The following SPATA6 variants were observed in gnomAD, a reference collection of about 807,000 sequenced individuals.
SPATA6 encodes spermatogenesis associated 6, also known as spermatogenesis-associated protein 6.
Under a neutral mutation model 65.3 loss-of-function variants are expected in SPATA6, and 56 were observed. The observed-to-expected ratio is 0.86, with a 90% CI of 0.69 to 1.07. The LOEUF (loss-of-function observed/expected upper bound fraction) is 1.07, where lower values mean the gene tolerates loss of function less well. Among genes scored for constraint, SPATA6 ranks in the 50% least tolerant of loss-of-function variants. The pLI is 0.00. For synonymous variants in SPATA6, 199 were observed against 213.2 expected (o/e 0.93, Z 0.58); for missense variants, 590 against 594.8 (o/e 0.99, Z 0.08).
At chr1:48,338,313 G>C (rs959268505) in intron 11 of SPATA6, among the ~76,000 whole-genome samples, 3 of 151,932 alleles carry the variant, frequency 2.0e-5, no homozygotes, top group African/African-American at 4.8e-5. Context: ...GTGACAAAAC[G>C]TGAGTTTTAT....
Position 48,380,039 on chromosome 1 carries a change from T to G in SPATA6, c.909+5270A>C, listed in dbSNP as rs536172336. On this transcript the variant is annotated intron_variant, in intron 9 of 12. Coordinates refer to ENST00000371847, the MANE Select transcript of SPATA6 (RefSeq NM_019073.4). ...AACATCATGTTGTACCATAAGTACATAAAACTTTTGTCAATTATACCTTAA... is the reference window on the plus strand; with the variant it reads ...AACATCATGTTGTACCATAAGTACAGAAAACTTTTGTCAATTATACCTTAA... Among the ~76,000 whole-genome samples the G allele has an allele frequency of 2.0e-5, 3 of 152,334 alleles. No individual in the cohort carries two copies. In the South Asian group the frequency reaches 6.2e-4, roughly 32 times the overall value.
At chr1:48,338,402 A>G (rs185689865) in intron 11 of SPATA6, among the ~76,000 whole-genome samples, 10 of 152,166 alleles carry the variant, frequency 6.6e-5, no homozygotes, top group Non-Finnish European at 1.2e-4. Flanking sequence ...GAGGGTATAA[A>G]GCTACACCAA....
At chr1:48,267,752 G>GTTTTTTTTTTT in the SPATA6 span, among the ~76,000 whole-genome samples, 19 of 72,704 alleles carry the variant, frequency 2.6e-4, 2 homozygotes, top group Non-Finnish European at 3.1e-4. Context: ...TAGGGTCTGG[G>GTTTTTTTTTTT]TTTTTTTTTT....
At chr1:48,329,978 C>T (rs967204408) in intron 11 of SPATA6, among the ~76,000 whole-genome samples, 1 of 152,222 alleles carries the variant, frequency 6.6e-6, no homozygotes, top group Non-Finnish European at 1.5e-5. Flanking sequence ...TCCAAGAGGA[C>T]TGCCACAAGC....
chr1:48,430,758 AACAG>A (rs1437540942), intron 3 of SPATA6, among the ~76,000 whole-genome samples: 2 of 152,186 alleles, frequency 1.3e-5, no homozygotes, highest in African/African-American at 4.8e-5. Context: ...CCACAATGAA[AACAG>A]ACACAGAATA....
chr1:48,303,807 A>G (rs763319009), intron 12 of SPATA6, among the ~76,000 whole-genome samples: 109 of 152,078 alleles, frequency 7.2e-4, no homozygotes, highest in Non-Finnish European at 1.2e-3. Flanking sequence ...ATGCTTCTCA[A>G]TTTGTTATAT....
intron 3 of SPATA6, chr1:48,436,261 G>T: frequency 6.2e-7 from 1 of 1,613,774 alleles, no homozygotes; most frequent in East Asian, 2.2e-5. Flanking sequence ...CTGCAATGAA[G>T]AACGCCTGAA....
At chr1:48,436,213 G>A in intron 3 of SPATA6, 1 of 1,612,988 alleles carries the variant, frequency 6.2e-7, no homozygotes, top group South Asian at 1.1e-5. Context: ...TACTCCCACG[G>A]GAACACTGGT....
At chr1:48,407,879 T>C (rs964180502) in intron 5 of SPATA6, among the ~76,000 whole-genome samples, 17 of 152,220 alleles carry the variant, frequency 1.1e-4, no homozygotes, top group Non-Finnish European at 2.2e-4. Flanking sequence ...TCCCTCTTAA[T>C]GTTCCATACT....
intron 9 of SPATA6, among the ~76,000 whole-genome samples, chr1:48,371,600 A>G (rs952528954): frequency 1.3e-5 from 2 of 152,224 alleles, no homozygotes; most frequent in Non-Finnish European, 2.9e-5. Flanking sequence ...AAGAGAAATT[A>G]TACAAAACTG....
chr1:48,308,419 C>A (rs1645114869), intron 11 of SPATA6, among the ~76,000 whole-genome samples: 1 of 151,966 alleles, frequency 6.6e-6, no homozygotes, highest in Non-Finnish European at 1.5e-5. Context: ...ATGTTCCTAC[C>A]AACAAATATT....
chr1:48,471,438 T>C (rs1658237597), intron 1 of SPATA6, among the ~76,000 whole-genome samples: 1 of 151,822 alleles, frequency 6.6e-6, no homozygotes, highest in South Asian at 2.1e-4. Context: ...CACATTTCAG[T>C]TGTTGGATGT....
chr1:48,376,323 A>G (rs1647901917), intron 9 of SPATA6, among the ~76,000 whole-genome samples: 1 of 152,148 alleles, frequency 6.6e-6, no homozygotes, highest in African/African-American at 2.4e-5. Context: ...GACTCTCCAA[A>G]GCCTAAACAA....
At chr1:48,299,758 T>C (rs1164293572) in intron 12 of SPATA6, among the ~76,000 whole-genome samples, 5 of 152,088 alleles carry the variant, frequency 3.3e-5, no homozygotes, top group Non-Finnish European at 7.4e-5. Context: ...TTACAACACA[T>C]AGAAGTTGGT....
At chr1:48,325,271 C>T in intron 11 of SPATA6, 1 of 911,464 alleles carries the variant, frequency 1.1e-6, no homozygotes, top group Non-Finnish European at 1.7e-6. Flanking sequence ...AAACAAGCCA[C>T]CAATGAGTGC....
the SPATA6 span, among the ~76,000 whole-genome samples, chr1:48,267,752 G>GTTTTTTT: frequency 3.4e-3 from 245 of 72,704 alleles, 18 homozygotes; most frequent in Non-Finnish European, 4.6e-3. Flanking sequence ...TAGGGTCTGG[G>GTTTTTTT]TTTTTTTTTT....
intron 1 of SPATA6, among the ~76,000 whole-genome samples, chr1:48,461,926 A>G (rs1007959596): frequency 1.3e-5 from 2 of 152,220 alleles, no homozygotes; most frequent in African/African-American, 4.8e-5. Context: ...TCACAATAGC[A>G]CAGACTTGGA....
At chr1:48,462,059 T>C (rs375581954) in intron 1 of SPATA6, among the ~76,000 whole-genome samples, 10 of 151,994 alleles carry the variant, frequency 6.6e-5, no homozygotes, top group South Asian at 2.1e-4. Context: ...ATGGATGAAA[T>C]TGGAAATCAT....
At chr1:48,345,578 AAAAT>A (rs1165787259) in intron 11 of SPATA6, among the ~76,000 whole-genome samples, 2 of 152,044 alleles carry the variant, frequency 1.3e-5, no homozygotes, top group South Asian at 4.1e-4. Flanking sequence ...AAAAATTAAC[AAAAT>A]AAATAGAGTG....
Sources: allele counts gnomAD v4.1 joint callset (sites outside exome capture counted in the v4.1 genomes callset), GRCh38; gene constraint gnomAD v4.1.1; transcripts MANE v1.5; gene names NCBI Gene and HGNC (gene_info 2026-07-23, HGNC 2026-07-21).